The following CSMD1 variants were observed in gnomAD, a reference collection of about 807,000 sequenced individuals.
CSMD1 encodes CUB and sushi domain-containing protein 1.
CSMD1 carries 213 observed loss-of-function variants against 417.5 expected under a neutral mutation model. The ratio of observed to expected loss-of-function variants is 0.51; its 90% CI spans 0.46 to 0.57. The LOEUF is 0.57. Ranked by LOEUF, CSMD1 falls within the 20% of genes least tolerant of loss-of-function variation. The pLI, the probability that CSMD1 is intolerant of heterozygous loss-of-function variation, is 0.00. For synonymous variants in CSMD1, 2,862 were observed against 1,736.8 expected (o/e 1.65, Z -16.11); for missense variants, 6,923 against 4,529.7 (o/e 1.53, Z -15.17).
chr8:4,293,306 T>A (rs1001500303), intron 3 of CSMD1, among the ~76,000 whole-genome samples: 2 of 152,128 alleles, frequency 1.3e-5, no homozygotes, highest in African/African-American at 4.8e-5. Flanking sequence ...GCCAGCACAA[T>A]GAGAAACTGA....
intron 1 of CSMD1, among the ~76,000 whole-genome samples, chr8:4,654,925 C>T (rs1344199435): frequency 6.6e-6 from 1 of 151,692 alleles, no homozygotes; most frequent in African/African-American, 2.4e-5. Flanking sequence ...TGTAACAAAC[C>T]TGCACAGGTA....
chr8:4,784,580 T>C (rs1419180231), intron 1 of CSMD1, among the ~76,000 whole-genome samples: 2 of 152,264 alleles, frequency 1.3e-5, no homozygotes, highest in Non-Finnish European at 2.9e-5. Context: ...TTGTTTCCTT[T>C]ATAATTATTT....
rs997913071 is a variant in CSMD1 at position 4,994,853 on chromosome 8, G to C, written c.-437C>G. 5.8e-6 allele frequency: 1 copy of C among 172,966 alleles called. No homozygotes were observed. Among genetic ancestry groups the C allele is most frequent in the Non-Finnish European group, 1.2e-5 (1 of 82,174 alleles). The allele number at this position is 172,966 out of a possible 1,614,324, so 10.7% of individuals were successfully genotyped here. The stretch of plus-strand genomic sequence containing the variant: ...GGGGGGAGGAGAGATCCAGTCTAGA[G>C]AGAAAAGGCGGAGAGCGCAGAAGAA... On this transcript the variant is annotated 5_prime_UTR_variant, in exon 1 of 70. Transcript: ENST00000635120.
At chr8:3,540,424 A>C (rs1452664745) in intron 10 of CSMD1, among the ~76,000 whole-genome samples, 1 of 152,224 alleles carries the variant, frequency 6.6e-6, no homozygotes, top group Non-Finnish European at 1.5e-5. Context: ...AAAACTATAA[A>C]AACCCTAGAA....
intron 2 of CSMD1, among the ~76,000 whole-genome samples, chr8:4,462,509 G>A (rs1233206595): frequency 1.3e-5 from 2 of 151,948 alleles, no homozygotes; most frequent in African/African-American, 2.4e-5. Flanking sequence ...AAATGCATAT[G>A]GATATTCAAA....
chr8:4,635,820 A>G (rs1802782549), intron 2 of CSMD1, among the ~76,000 whole-genome samples: 1 of 152,106 alleles, frequency 6.6e-6, no homozygotes, highest in South Asian at 2.1e-4. Flanking sequence ...ATACTAACAC[A>G]TAAGACCATA....
chr8:3,888,141 A>G (rs181713448), intron 5 of CSMD1, among the ~76,000 whole-genome samples: 37 of 152,318 alleles, frequency 2.4e-4, no homozygotes, highest in African/African-American at 8.9e-4. Flanking sequence ...GATAACTAAC[A>G]TCATTTGTAT....
In CSMD1 at chr8:4,277,598, A is replaced by T. The variant is rs904068695; in HGVS notation, c.415+142355T>A. ...CTATACTCATGAAAACAGCAAGTTCACTATGAGGTGTCTCATACTTCCCTT... is the reference window on the plus strand; with the variant it reads ...CTATACTCATGAAAACAGCAAGTTCTCTATGAGGTGTCTCATACTTCCCTT... On this transcript the variant is annotated intron_variant, in intron 3 of 69. Coordinates refer to ENST00000635120, the MANE Select transcript of CSMD1 (RefSeq NM_033225.6). Among the ~76,000 whole-genome samples, 3 of 152,164 alleles carry T rather than the reference A, an allele frequency of 2.0e-5. No homozygotes were observed. In the South Asian group the frequency reaches 6.2e-4, roughly 32 times the overall value.
At chr8:4,093,858 G>A (rs554003720) in intron 3 of CSMD1, among the ~76,000 whole-genome samples, 1 of 152,084 alleles carries the variant, frequency 6.6e-6, no homozygotes, top group Admixed American at 6.5e-5. Context: ...CAATCGGGAG[G>A]CTGAGGCAGG....
intron 52 of CSMD1, among the ~76,000 whole-genome samples, chr8:3,007,293 T>C (rs569546179): frequency 6.6e-6 from 1 of 151,920 alleles, no homozygotes; most frequent in African/African-American, 2.4e-5. Flanking sequence ...GGAGAGGATG[T>C]GGAGAAATAG....
chr8:4,409,096 A>C (rs989520682), intron 3 of CSMD1, among the ~76,000 whole-genome samples: 2 of 152,178 alleles, frequency 1.3e-5, no homozygotes, highest in Admixed American at 1.3e-4. Flanking sequence ...AGCCTTTTTT[A>C]AAGTTTAGCA....
rs2720864 is a variant in CSMD1 at position 3,755,178 on chromosome 8, G to C, written c.819-1136C>G. On this transcript the variant is annotated intron_variant, in intron 5 of 69. Transcript: ENST00000635120. ...CGCAAGGGACACATTTAGTTTTTCAGTGGCATAAGCATCACTGGATTAGGA... is the reference window on the plus strand; with the variant it reads ...CGCAAGGGACACATTTAGTTTTTCACTGGCATAAGCATCACTGGATTAGGA... Among the ~76,000 whole-genome samples the C allele has an allele frequency of 4.9e-3, 745 of 152,298 alleles. 29 individuals are homozygous for C. In the East Asian group the frequency reaches 0.085, roughly 17 times the overall value.
chr8:4,354,920 A>C lies in CSMD1; in HGVS notation c.415+65033T>G, dbSNP rs112543580. Among the ~76,000 whole-genome samples, 123 of 119,696 alleles carry C rather than the reference A, an allele frequency of 1.0e-3. 1 individual carries two copies. Among genetic ancestry groups the C allele is most frequent in the African/African-American group, 3.4e-3 (120 of 35,014 alleles). 78.5% of individuals were successfully genotyped at this position (119,696 alleles called of 152,430 possible). A position where few individuals can be genotyped will look rare whatever the true frequency, so the allele number is the denominator to read the frequency against. On this transcript the variant is annotated intron_variant, in intron 3 of 69. Coordinates refer to ENST00000635120, the MANE Select transcript of CSMD1 (RefSeq NM_033225.6). Reference sequence around the variant, plus strand: ...TGTGTGTGTGTGTGTTAAATATTTGAGTATTTTCAGGTTGAAAGAAACCAC... The same window carrying C: ...TGTGTGTGTGTGTGTTAAATATTTGCGTATTTTCAGGTTGAAAGAAACCAC...
At chr8:4,034,170 G>A (rs534898207) in intron 3 of CSMD1, among the ~76,000 whole-genome samples, 2 of 152,212 alleles carry the variant, frequency 1.3e-5, no homozygotes, top group African/African-American at 4.8e-5. Context: ...AACATTTTTA[G>A]AATACGGAAT....
At chr8:4,287,099 C>T (rs1354546510) in intron 3 of CSMD1, among the ~76,000 whole-genome samples, 2 of 152,178 alleles carry the variant, frequency 1.3e-5, no homozygotes, top group African/African-American at 4.8e-5. Context: ...CAATCTACTT[C>T]ACACAAAACA....
At chr8:3,528,544 AAAATTAATCAAACAAAG>A (rs1797849699) in intron 10 of CSMD1, among the ~76,000 whole-genome samples, 1 of 152,126 alleles carries the variant, frequency 6.6e-6, no homozygotes, top group Non-Finnish European at 1.5e-5. Flanking sequence ...TCATTTCCAT[AAAATTAATCAAACAAAG>A]TGTTTTGGTT....
At chr8:4,969,094 G>C (rs1810076960) in intron 1 of CSMD1, among the ~76,000 whole-genome samples, 1 of 152,062 alleles carries the variant, frequency 6.6e-6, no homozygotes, top group Admixed American at 6.6e-5. Context: ...TCACTGACCT[G>C]GTGGTTGCTT....
intron 11 of CSMD1, among the ~76,000 whole-genome samples, chr8:3,483,098 A>G (rs1817836275): frequency 6.6e-6 from 1 of 152,138 alleles, no homozygotes; most frequent in South Asian, 2.1e-4. Context: ...AGACTCAAAG[A>G]AACTAGGAGG....
chr8:3,725,552 G>C (rs973356484), intron 6 of CSMD1, among the ~76,000 whole-genome samples: 6 of 152,256 alleles, frequency 3.9e-5, no homozygotes, highest in African/African-American at 1.4e-4. Context: ...CCCATGAGCT[G>C]CTTGTATTAA....
Sources: gnomAD v4.1 joint callset for allele counts (sites outside exome capture counted in the v4.1 genomes callset) on GRCh38, gnomAD v4.1.1 for gene constraint, MANE v1.5 for transcripts, NCBI Gene and HGNC (gene_info 2026-07-23, HGNC 2026-07-21) for gene names.